Variants in NTM observed in about 807,000 individuals in gnomAD.
NTM encodes the protein neurotrimin.
In NTM, 13 loss-of-function variants were observed where a neutral mutation model predicts 42.1. The ratio of observed to expected loss-of-function variants is 0.31; its 90% CI spans 0.20 to 0.49. NTM has a LOEUF of 0.49. NTM is among the 20% of genes least tolerant of loss of function. The probability of loss-of-function intolerance (pLI) is 0.99; values close to 1 mark genes in which losing one functional copy is unlikely to be tolerated. For missense variants in NTM, 373 were observed against 452.8 expected (o/e 0.82, Z 1.60); for synonymous variants, 187 against 179.2 (o/e 1.04, Z -0.35).
At chr11:132,223,246 TG>T (rs1183175528) in intron 4 of NTM, among the ~76,000 whole-genome samples, 21 of 152,118 alleles carry the variant, frequency 1.4e-4, no homozygotes, top group East Asian at 7.7e-4. Context: ...TCTCAGAACT[TG>T]TATGCTAGTG....
chr11:131,745,313 G>A lies in NTM; in HGVS notation c.83-166251G>A, dbSNP rs539054573. Among the ~76,000 whole-genome samples, 6 of 152,340 alleles carry A rather than the reference G, an allele frequency of 3.9e-5. No individual in the cohort carries two copies. In the East Asian group the frequency reaches 1.2e-3, roughly 29 times the overall value. ...ATTCAGGGAGGCTGAGCCGGGACAG[G>A]TGAAGGGCACTGCTCTCAGTCTCCT... On this transcript the variant is annotated intron_variant, in intron 1 of 8. Coordinates refer to ENST00000683400, the MANE Select transcript of NTM (RefSeq NM_001352005.2).
At chr11:132,263,731 A>C (rs1413111973) in intron 4 of NTM, among the ~76,000 whole-genome samples, 1 of 152,214 alleles carries the variant, frequency 6.6e-6, no homozygotes, top group Non-Finnish European at 1.5e-5. Context: ...ATCCAGTTTC[A>C]TCCCTCACAA....
At chr11:131,739,804 G>A (rs936139320) in intron 1 of NTM, among the ~76,000 whole-genome samples, 1 of 152,204 alleles carries the variant, frequency 6.6e-6, no homozygotes, top group Non-Finnish European at 1.5e-5. Flanking sequence ...GCAGCCTGAA[G>A]TGCTGCGTTC....
At chr11:131,531,158 A>G (rs1450432369) in intron 1 of NTM, among the ~76,000 whole-genome samples, 1 of 152,212 alleles carries the variant, frequency 6.6e-6, no homozygotes, top group African/African-American at 2.4e-5. Flanking sequence ...ATTCTTTTAG[A>G]CAGGATCTCA....
intron 4 of NTM, among the ~76,000 whole-genome samples, chr11:132,290,224 A>T (rs2094409197): frequency 6.6e-6 from 1 of 152,212 alleles, no homozygotes; most frequent in African/African-American, 2.4e-5. Context: ...AGAATTAAAA[A>T]TAATAGCAGT....
At chr11:131,690,441 C>T (rs960241117) in intron 1 of NTM, among the ~76,000 whole-genome samples, 6 of 152,240 alleles carry the variant, frequency 3.9e-5, no homozygotes, top group Non-Finnish European at 2.9e-5. Flanking sequence ...AGTCAGTTCC[C>T]GGGGACTGTG....
chr11:131,676,537 TGGAG>T (rs1354769404), intron 1 of NTM, among the ~76,000 whole-genome samples: 1 of 152,124 alleles, frequency 6.6e-6, no homozygotes, highest in Non-Finnish European at 1.5e-5. Context: ...ATGCACATAG[TGGAG>T]GGAGCACATA....
intron 1 of NTM, among the ~76,000 whole-genome samples, chr11:131,755,111 G>A (rs2083151148): frequency 2.0e-5 from 3 of 152,148 alleles, no homozygotes; most frequent in South Asian, 2.1e-4. Flanking sequence ...TCTGATGAGG[G>A]TAGTGGTTAC....
At chr11:131,846,371 C>A (rs933410948) in intron 1 of NTM, among the ~76,000 whole-genome samples, 8 of 152,048 alleles carry the variant, frequency 5.3e-5, no homozygotes, top group Non-Finnish European at 1.0e-4. Flanking sequence ...AGTTTCTTCT[C>A]GTATTTCAAA....
chr11:131,878,592 AAAATATATATATATATATATATAT>A lies in NTM; in HGVS notation c.83-32970_83-32947del, dbSNP rs1244501146. ...CTCAAAAAAAAAAAAAAAAAAAAAA[AAAATATATATATATATATATATAT>A]ATATATATATATATATATATATATA... is the stretch of plus-strand genomic sequence containing the variant. On this transcript the variant is annotated intron_variant, in intron 1 of 8. Coordinates refer to ENST00000683400, the MANE Select transcript of NTM (RefSeq NM_001352005.2). Among the ~76,000 whole-genome samples the A allele has an allele frequency of 4.9e-3, 130 of 26,288 alleles. 24 individuals are homozygous for A. Among genetic ancestry groups the A allele is most frequent in the East Asian group, 0.017 (5 of 286 alleles). The allele number at this position is 26,288 out of a possible 152,430, so 17.2% of individuals were successfully genotyped here.
intron 1 of NTM, among the ~76,000 whole-genome samples, chr11:131,454,953 A>G (rs1258695476): frequency 6.6e-6 from 1 of 152,134 alleles, no homozygotes. Flanking sequence ...AAGGGGTTCT[A>G]TAGGGAGGGG....
chr11:131,403,319 C>T (rs547432209), intron 1 of NTM, among the ~76,000 whole-genome samples: 1 of 152,282 alleles, frequency 6.6e-6, no homozygotes, highest in African/African-American at 2.4e-5. Context: ...TCACTCCATT[C>T]CTATTTTCAC....
chr11:132,001,898 G>A (rs1283183679), intron 2 of NTM, among the ~76,000 whole-genome samples: 1 of 152,164 alleles, frequency 6.6e-6, no homozygotes, highest in Non-Finnish European at 1.5e-5. Context: ...ATGTAGAGGA[G>A]AGTGTAATTA....
chr11:132,303,787 G>A (rs2094962234), intron 4 of NTM, among the ~76,000 whole-genome samples: 1 of 151,644 alleles, frequency 6.6e-6, no homozygotes, highest in East Asian at 1.9e-4. Flanking sequence ...AGCATGGCCT[G>A]GCAGGAGAGC....
intron 1 of NTM, among the ~76,000 whole-genome samples, chr11:131,839,293 A>T (rs1023653358): frequency 6.6e-6 from 1 of 152,208 alleles, no homozygotes; most frequent in African/African-American, 2.4e-5. Flanking sequence ...TTAGGTAGAA[A>T]AATATAACAG....
At chr11:132,079,030 C>G (rs1430784790) in intron 2 of NTM, among the ~76,000 whole-genome samples, 2 of 152,162 alleles carry the variant, frequency 1.3e-5, no homozygotes, top group Admixed American at 1.3e-4. Flanking sequence ...ATGGGGTCGA[C>G]CCAGTGGCTG....
chr11:131,904,559 T>G (rs1204657843), intron 1 of NTM, among the ~76,000 whole-genome samples: 1 of 152,170 alleles, frequency 6.6e-6, no homozygotes, highest in African/African-American at 2.4e-5. Context: ...TTGTTTAAGA[T>G]GGAGACCTGA....
intron 3 of NTM, among the ~76,000 whole-genome samples, chr11:132,174,408 A>G (rs1024413913): frequency 2.0e-5 from 3 of 152,234 alleles, no homozygotes; most frequent in Non-Finnish European, 4.4e-5. Context: ...TAGGCTCTAA[A>G]AAAATCGTAA....
chr11:132,184,596 A>G (rs2078106429), intron 3 of NTM, among the ~76,000 whole-genome samples: 1 of 152,148 alleles, frequency 6.6e-6, no homozygotes, highest in African/African-American at 2.4e-5. Context: ...AAACCCTCTC[A>G]TTCACCTGAA....
Sources: gnomAD v4.1 joint callset for allele counts (sites outside exome capture counted in the v4.1 genomes callset) on GRCh38, gnomAD v4.1.1 for gene constraint, MANE v1.5 for transcripts, NCBI Gene and HGNC (gene_info 2026-07-23, HGNC 2026-07-21) for gene names.